The following PEX14 variants were observed in gnomAD, a reference collection of about 807,000 sequenced individuals.
PEX14 encodes the protein peroxisomal membrane protein PEX14.
In PEX14, 15 loss-of-function variants were observed where a neutral mutation model predicts 49.5. The ratio of observed to expected loss-of-function variants is 0.30; its 90% CI spans 0.20 to 0.47. PEX14 has a LOEUF of 0.47. Ranked by LOEUF, PEX14 falls within the 20% of genes least tolerant of loss-of-function variation. The pLI, the probability that PEX14 is intolerant of heterozygous loss-of-function variation, is 1.00. For synonymous variants in PEX14, 210 were observed against 212.7 expected (o/e 0.99, Z 0.11); for missense variants, 398 against 494.8 (o/e 0.80, Z 1.86).
In PEX14 at chr1:10,597,474, C is replaced by T. The variant is rs959361266; in HGVS notation, c.170-1764C>T. ...TATTCTCTGTTGTTGCCTGGCTTGC[C>T]TGTTGGTCCTGTCCCTGTTCTTCTT... On this transcript the variant is annotated intron_variant, in intron 3 of 8. Coordinates refer to ENST00000356607, the MANE Select transcript of PEX14 (RefSeq NM_004565.3). This position sits in a 1 kb window ranked among gnomAD's most constrained non-coding sequence, Gnocchi z 5.7. 6.6e-6 allele frequency among the ~76,000 whole-genome samples: 1 copy of T among 152,214 alleles called. No homozygotes were observed. Among genetic ancestry groups the T allele is most frequent in the Non-Finnish European group, 1.5e-5 (1 of 68,036 alleles).
chr1:10,599,869 G>A (rs932769368), intron 4 of PEX14, among the ~76,000 whole-genome samples: 1 of 152,140 alleles, frequency 6.6e-6, no homozygotes, highest in Non-Finnish European at 1.5e-5. Context: ...GTAGCGGTCT[G>A]TTAGGGAATT....
At chr1:10,620,025 G>T (rs1376304335) in intron 5 of PEX14, among the ~76,000 whole-genome samples, 1 of 152,194 alleles carries the variant, frequency 6.6e-6, no homozygotes, top group Non-Finnish European at 1.5e-5. Context: ...TGAGGCAGGA[G>T]AATGGGGTGA....
chr1:10,613,879 G>A lies in PEX14; in HGVS notation c.299-4453G>A, dbSNP rs928582014. ...GTCCCTGCTTCCAGAGTGGAGACTC[G>A]AAGCATTTAAAAAGCCCACTCATTC... On this transcript the variant is annotated intron_variant, in intron 4 of 8. Coordinates refer to ENST00000356607, the MANE Select transcript of PEX14 (RefSeq NM_004565.3). This position sits in a 1 kb window ranked among gnomAD's most constrained non-coding sequence, Gnocchi z 5.0. 6.6e-6 allele frequency among the ~76,000 whole-genome samples: 1 copy of A among 152,152 alleles called. No individual in the cohort carries two copies. Among genetic ancestry groups the A allele is most frequent in the African/African-American group, 2.4e-5 (1 of 41,428 alleles).
At chr1:10,497,457 G>A (rs1174098367) in intron 2 of PEX14, among the ~76,000 whole-genome samples, 2 of 152,230 alleles carry the variant, frequency 1.3e-5, no homozygotes, top group Non-Finnish European at 2.9e-5. Context: ...CTCAGCTCAG[G>A]CCTGAGGATG....
At chr1:10,586,152 A>G (rs1431367822) in intron 3 of PEX14, among the ~76,000 whole-genome samples, 1 of 152,252 alleles carries the variant, frequency 6.6e-6, no homozygotes, top group Non-Finnish European at 1.5e-5. Context: ...TTCTAACAAC[A>G]CAATGAACAA....
At chr1:10,484,117 C>T (rs1641329159) in intron 1 of PEX14, among the ~76,000 whole-genome samples, 6 of 150,680 alleles carry the variant, frequency 4.0e-5, no homozygotes, top group Admixed American at 4.0e-4. Context: ...CAACCCCTGC[C>T]TCCTGGGTTC....
At chr1:10,483,076 T>G (rs1329332218) in intron 1 of PEX14, among the ~76,000 whole-genome samples, 2 of 152,222 alleles carry the variant, frequency 1.3e-5, no homozygotes, top group East Asian at 3.9e-4. Context: ...GTTTGATTGT[T>G]TGGTTAAGGT....
At chr1:10,521,075 T>C (rs1287419954) in intron 2 of PEX14, among the ~76,000 whole-genome samples, 3 of 152,006 alleles carry the variant, frequency 2.0e-5, no homozygotes. Context: ...AGAAGTTTTC[T>C]TTTCCATTTC....
intron 4 of PEX14, among the ~76,000 whole-genome samples, chr1:10,607,097 G>T (rs887650763): frequency 6.6e-6 from 1 of 151,956 alleles, no homozygotes; most frequent in African/African-American, 2.4e-5. Flanking sequence ...TTCTTTCCTA[G>T]AGTTTTTTTT....
At chr1:10,543,854 C>A (rs1639091759) in intron 3 of PEX14, among the ~76,000 whole-genome samples, 1 of 152,158 alleles carries the variant, frequency 6.6e-6, no homozygotes, top group African/African-American at 2.4e-5. Flanking sequence ...TCTGCCTTGC[C>A]TTCCCAAAGC....
At chr1:10,592,754 C>T (rs1640706799) in intron 3 of PEX14, among the ~76,000 whole-genome samples, 1 of 152,188 alleles carries the variant, frequency 6.6e-6, no homozygotes, top group Non-Finnish European at 1.5e-5. Context: ...TGAAACTGCT[C>T]AGCACTGGAC....
intron 2 of PEX14, among the ~76,000 whole-genome samples, chr1:10,502,247 C>T (rs1416341287): frequency 6.6e-6 from 1 of 152,158 alleles, no homozygotes; most frequent in Non-Finnish European, 1.5e-5. Flanking sequence ...ATACTGACTT[C>T]TGGTTGGGAA....
chr1:10,521,748 G>A (rs1332071392), intron 2 of PEX14, among the ~76,000 whole-genome samples: 1 of 152,182 alleles, frequency 6.6e-6, no homozygotes, highest in African/African-American at 2.4e-5. Flanking sequence ...TTTAAGGTGA[G>A]GTTGAGTGAA....
At chr1:10,591,144 A>G (rs2124587988) in intron 3 of PEX14, among the ~76,000 whole-genome samples, 2 of 152,306 alleles carry the variant, frequency 1.3e-5, no homozygotes, top group Admixed American at 1.3e-4. Flanking sequence ...TTTTGTTGCA[A>G]TGATGGAAAC....
rs1442722440 is a variant in PEX14, at chr1:10,628,437, G to C, written c.677+1074G>C. ...TCACTAGGGTCCAGGATGGGGTGCA[G>C]AGGGGTCTTGCGGCTCCAGCCAGAA... On this transcript the variant is annotated intron_variant, in intron 8 of 8. Transcript: ENST00000356607. The surrounding 1 kb of genome is among the most constrained non-coding windows in gnomAD (Gnocchi z 4.5). 6.6e-6 allele frequency among the ~76,000 whole-genome samples: 1 copy of C among 152,230 alleles called. No homozygotes were observed. Among genetic ancestry groups the C allele is most frequent in the Non-Finnish European group, 1.5e-5 (1 of 68,022 alleles).
chr1:10,602,882 C>T (rs1007540107), intron 4 of PEX14, among the ~76,000 whole-genome samples: 6 of 152,208 alleles, frequency 3.9e-5, no homozygotes, highest in South Asian at 2.1e-4. Flanking sequence ...TCTAGATCCC[C>T]GGCAGCCTTT....
At chr1:10,583,239 A>G (rs1017557524) in intron 3 of PEX14, among the ~76,000 whole-genome samples, 20 of 141,088 alleles carry the variant, frequency 1.4e-4, no homozygotes, top group Non-Finnish European at 3.1e-4. Flanking sequence ...TTTTTTTTTG[A>G]GATAGAGTCT....
At chr1:10,580,663 G>A (rs1266308270) in intron 3 of PEX14, among the ~76,000 whole-genome samples, 2 of 151,814 alleles carry the variant, frequency 1.3e-5, no homozygotes, top group Non-Finnish European at 2.9e-5. Flanking sequence ...TTAATTCAGA[G>A]TAGACTGATA....
chr1:10,537,343 C>CG lies in PEX14; in HGVS notation c.169+1046_169+1047insG, dbSNP rs1553187437. Among the ~76,000 whole-genome samples, 12 of 61,798 alleles carry CG rather than the reference C, an allele frequency of 1.9e-4. 1 individual carries two copies. The highest frequency in any genetic ancestry group is 3.9e-4 in the Non-Finnish European group (9 of 22,934). 40.5% of individuals were successfully genotyped at this position (61,798 alleles called of 152,430 possible). A position where few individuals can be genotyped will look rare whatever the true frequency, so the allele number is the denominator to read the frequency against. On this transcript the variant is annotated intron_variant, in intron 3 of 8. Transcript: ENST00000356607. ...CTCACTGGCTGCATTGTGCCAGCAC[C>CG]CCCCCCCCCCGCCATCATTAGGAGA...
Sources: gnomAD v4.1 joint callset for allele counts (sites outside exome capture counted in the v4.1 genomes callset) on GRCh38, gnomAD v4.1.1 for gene constraint, Gnocchi (gnomAD v3.1) non-coding constraint, MANE v1.5 for transcripts, NCBI Gene and HGNC (gene_info 2026-07-23, HGNC 2026-07-21) for gene names.